The following GRK1 variants were observed in gnomAD, a reference collection of about 807,000 sequenced individuals.
The protein encoded by GRK1 is G protein-coupled receptor kinase 1.
In GRK1, 28 loss-of-function variants were observed where a neutral mutation model predicts 41.7. The ratio of observed to expected loss-of-function variants is 0.67; its 90% confidence interval spans 0.50 to 0.92. GRK1 has a LOEUF of 0.92. GRK1 is among the 40% of genes least tolerant of loss of function. GRK1 has a pLI of 0.00. For synonymous variants in GRK1, 327 were observed against 286.7 expected (o/e 1.14, Z -1.42); for missense variants, 703 against 671.2 (o/e 1.05, Z -0.52).
the GRK1 span, among the ~76,000 whole-genome samples, chr13:113,659,397 C>T: frequency 3.3e-5 from 5 of 152,210 alleles, no homozygotes; most frequent in African/African-American, 1.2e-4. Flanking sequence ...ATACTGTCAA[C>T]TCTAGGCCGT....
At chr13:113,734,059 T>C (rs932620119) in intron 6 of GRK1, among the ~76,000 whole-genome samples, 4 of 151,730 alleles carry the variant, frequency 2.6e-5, no homozygotes, top group Non-Finnish European at 4.4e-5. Flanking sequence ...TACGTGTGTG[T>C]GCATGTGTGT....
At chr13:113,668,837 T>A (rs187197774) in intron 1 of GRK1, among the ~76,000 whole-genome samples, 22 of 152,302 alleles carry the variant, frequency 1.4e-4, no homozygotes, top group Admixed American at 7.8e-4. Flanking sequence ...CACAGGAAGC[T>A]CTTAGGGTTA....
chr13:113,733,634 CTCATGTATGTGTGCATACGT>C (rs2049958216), intron 6 of GRK1, among the ~76,000 whole-genome samples: 1 of 132,380 alleles, frequency 7.6e-6, no homozygotes, highest in Non-Finnish European at 1.6e-5. Flanking sequence ...TACGTGTGTG[CTCATGTATGTGTGCATACGT>C]GTGTGTGCGT....
chr13:113,653,678 G>T, the GRK1 span, among the ~76,000 whole-genome samples: 1 of 152,212 alleles, frequency 6.6e-6, no homozygotes, highest in Admixed American at 6.5e-5. Flanking sequence ...GGGGTGGGGG[G>T]TGGCTGGCTC....
At chr13:113,732,805 T>G in intron 5 of GRK1, 79 bp from the exon 6 acceptor site, 2 of 1,461,200 alleles carry the variant, frequency 1.4e-6, no homozygotes, top group Non-Finnish European at 1.8e-6. Context: ...CGGTGGCTCT[T>G]GTGGGAGGAG....
At chr13:113,735,031 C>G in intron 6 of GRK1, 37 bp from the exon 7 acceptor site, 1 of 1,453,946 alleles carries the variant, frequency 6.9e-7, no homozygotes, top group East Asian at 2.5e-5. Context: ...CTTCCCACCA[C>G]GAGGAGCCTG....
In GRK1 at chr13:113,735,401, T is replaced by C. The variant is rs2049996582; in HGVS notation, c.*38T>C. ...AGTCCACGTGGAGGAAAAGGACCCA[T>C]ACGGCTCGATGGGGGCCGCCTGCCT... On this transcript the variant is annotated 3_prime_UTR_variant, in exon 7 of 7. Transcript: ENST00000335678. 2 of 1,442,438 alleles carry C rather than the reference T, an allele frequency of 1.4e-6. No individual in the cohort carries two copies. Among genetic ancestry groups the C allele is most frequent in the South Asian group, 1.5e-5 (1 of 68,676 alleles). 89.4% of individuals were successfully genotyped at this position (1,442,438 alleles called of 1,614,324 possible). A position where few individuals can be genotyped will look rare whatever the true frequency, so the allele number is the denominator to read the frequency against.
chr13:113,652,100 A>G, the GRK1 span, among the ~76,000 whole-genome samples: 1 of 152,278 alleles, frequency 6.6e-6, no homozygotes, highest in South Asian at 2.1e-4. Context: ...GCTCTTCCAG[A>G]AAACTCTCTC....
At chr13:113,655,300 G>A in the GRK1 span, among the ~76,000 whole-genome samples, 1 of 152,196 alleles carries the variant, frequency 6.6e-6, no homozygotes, top group Non-Finnish European at 1.5e-5. Context: ...TCTGAGGGGG[G>A]AGTTATGGTT....
chr13:113,671,404 C>T lies in GRK1; in HGVS notation c.828-95C>T. 1 of 750,954 alleles carries T rather than the reference C, an allele frequency of 1.3e-6. No individual in the cohort carries two copies. The allele number at this position is 750,954 out of a possible 1,614,324, so 46.5% of individuals were successfully genotyped here. A position where few individuals can be genotyped will look rare whatever the true frequency, so the allele number is the denominator to read the frequency against. ...GGCCTCAAAACGACCAGAACGCTGG[C>T]CGAGAGACATGGTTCTGAGGCCCCA... On this transcript the variant is annotated intron_variant, in intron 2 of 6. Coordinates refer to ENST00000335678, the MANE Select transcript of GRK1 (RefSeq NM_002929.3). This position sits in a 1 kb window ranked among gnomAD's most constrained non-coding sequence, Gnocchi z 4.1.
At chr13:113,733,980 A>G (rs542226581) in intron 6 of GRK1, among the ~76,000 whole-genome samples, 5,507 of 94,924 alleles carry the variant, frequency 0.058, 440 homozygotes, top group African/African-American at 0.2. Flanking sequence ...GTGTGTGCGC[A>G]TGTGTGTGCA....
the GRK1 span, among the ~76,000 whole-genome samples, chr13:113,648,201 G>T: frequency 6.6e-6 from 1 of 152,264 alleles, no homozygotes; most frequent in Admixed American, 6.5e-5. Flanking sequence ...GTTTTTTACT[G>T]ACGGAGTAAG....
chr13:113,668,813 A>G (rs1428533615), intron 1 of GRK1, among the ~76,000 whole-genome samples: 1 of 152,180 alleles, frequency 6.6e-6, no homozygotes, highest in Non-Finnish European at 1.5e-5. Flanking sequence ...CCCACCACGC[A>G]GCTGTGTTGA....
chr13:113,734,695 G>T, intron 6 of GRK1: 1 of 179,148 alleles, frequency 5.6e-6, no homozygotes, highest in Admixed American at 6.1e-5. Flanking sequence ...GCGCAGGGGA[G>T]GCCCTGGTGG....
At position 113,733,104 on chromosome 13, in the gene GRK1, G is replaced by A. The variant is rs1156443695; in HGVS notation, c.1396+19G>A. The A allele has an allele frequency of 1.3e-6, 2 of 1,529,850 alleles. No homozygotes were observed. The highest frequency in any genetic ancestry group is 2.0e-5 in the Admixed American group (1 of 50,732). The allele number at this position is 1,529,850 out of a possible 1,614,324, so 94.8% of individuals were successfully genotyped here. ...GAGGCTGGTACTGTTGGACGCCTCA[G>A]CCCCGGAGAGGGTGGGGTTCTGTGC... is the stretch of plus-strand genomic sequence containing the variant. On this transcript the variant is annotated intron_variant, in intron 6 of 6. Transcript: ENST00000335678.
At chr13:113,669,154 A>T (rs1314936068) in intron 1 of GRK1, among the ~76,000 whole-genome samples, 2 of 152,224 alleles carry the variant, frequency 1.3e-5, no homozygotes, top group Non-Finnish European at 2.9e-5. Context: ...CTCCCCATGT[A>T]AGTGCAGAAA....
At chr13:113,652,720 G>A in the GRK1 span, 36 of 830,616 alleles carry the variant, frequency 4.3e-5, no homozygotes, top group East Asian at 2.1e-4. Flanking sequence ...GGACAGGTGC[G>A]TGCCAAACCA....
chr13:113,733,678 TGC>T (rs1566699624), intron 6 of GRK1, among the ~76,000 whole-genome samples: 4 of 145,918 alleles, frequency 2.7e-5, no homozygotes, highest in Admixed American at 1.4e-4. Context: ...TGCACGTGTG[TGC>T]ATGTATGTGT....
At position 113,671,365 on chromosome 13, in the gene GRK1, A is replaced by C. The variant is rs1321764723; in HGVS notation, c.828-134A>C. On this transcript the variant is annotated intron_variant, in intron 2 of 6. Transcript: ENST00000335678. This position sits in a 1 kb window ranked among gnomAD's most constrained non-coding sequence, Gnocchi z 4.1. ...TGGCCTTCGGGTGTCCTCTGCAGGG[A>C]CGTAGGGGGGCCAGGCCTCAAAACG... 1.5e-6 allele frequency: 1 copy of C among 686,086 alleles called. No individual in the cohort carries two copies. The highest frequency in any genetic ancestry group is 1.7e-5 in the African/African-American group (1 of 57,244). 42.5% of individuals were successfully genotyped at this position (686,086 alleles called of 1,614,324 possible).
Sources: gnomAD v4.1 joint callset for allele counts (sites outside exome capture counted in the v4.1 genomes callset) on GRCh38, gnomAD v4.1.1 for gene constraint, Gnocchi (gnomAD v3.1) non-coding constraint, MANE v1.5 for transcripts, NCBI Gene and HGNC (gene_info 2026-07-23, HGNC 2026-07-21) for gene names.